Variants in HERC4 observed in about 807,000 individuals in gnomAD.
The protein encoded by HERC4 is HECT and RLD domain containing E3 ubiquitin protein ligase 4.
A neutral mutation model predicts 124.3 loss-of-function variants in HERC4; 28 were observed. That is an observed-to-expected ratio of 0.23 (90% CI 0.17 to 0.31). The LOEUF (loss-of-function observed/expected upper bound fraction) is 0.31, where lower values mean the gene tolerates loss of function less well. Among genes scored for constraint, HERC4 ranks in the 10% least tolerant of loss-of-function variants. The probability of loss-of-function intolerance (pLI) is 1.00; values close to 1 mark genes in which losing one functional copy is unlikely to be tolerated. For missense variants in HERC4, 713 were observed against 1,229.3 expected, an observed-to-expected ratio of 0.58 and a Z score of 6.28; for synonymous variants, 407 against 421.5, an observed-to-expected ratio of 0.97 and a Z score of 0.42.
chr10:68,054,477 C>T (rs1188391662), intron 3 of HERC4, among the ~76,000 whole-genome samples: 1 of 151,618 alleles, frequency 6.6e-6, no homozygotes, highest in Admixed American at 6.6e-5. Context: ...CCTCAGCTAA[C>T]CACGCCCAGC....
At chr10:67,956,694 C>T (rs1421230107) in intron 17 of HERC4, 184 bp downstream of exon 17, 4 of 386,410 alleles carry the variant, frequency 1.0e-5, no homozygotes, top group Non-Finnish European at 1.8e-5. Context: ...TCCATTTTCA[C>T]TGCAACCTTT....
At chr10:67,976,961 CA>C (rs1051313749) in intron 15 of HERC4, among the ~76,000 whole-genome samples, 2 of 152,152 alleles carry the variant, frequency 1.3e-5, no homozygotes, top group Non-Finnish European at 2.9e-5. Flanking sequence ...CAATAAACTT[CA>C]AACATAGTGC....
chr10:68,034,902 C>T (rs1042662315), intron 5 of HERC4, among the ~76,000 whole-genome samples: 8 of 151,670 alleles, frequency 5.3e-5, no homozygotes, highest in African/African-American at 1.5e-4. Flanking sequence ...AAGAAAAATA[C>T]GGCAAATAGA....
Position 67,966,673 on chromosome 10 carries a change from G to C in HERC4, c.1926+10C>G, listed in dbSNP as rs996934553. ...TAAAAATGAAATCACAAATTGCACAGAAAACCTACCATTCCATAGGCCTGC... is the reference window on the plus strand; with the variant it reads ...TAAAAATGAAATCACAAATTGCACACAAAACCTACCATTCCATAGGCCTGC... On this transcript the variant is annotated intron_variant, in intron 16 of 24. Coordinates refer to ENST00000373700, the MANE Select transcript of HERC4 (RefSeq NM_015601.4). 2 of 1,601,322 alleles carry C rather than the reference G, an allele frequency of 1.2e-6. No homozygotes were observed. The highest frequency in any genetic ancestry group is 3.5e-5 in the Admixed American group (2 of 57,102).
intron 8 of HERC4, among the ~76,000 whole-genome samples, chr10:68,020,416 A>G (rs2038538951): frequency 6.6e-6 from 1 of 152,110 alleles, no homozygotes; most frequent in Non-Finnish European, 1.5e-5. Flanking sequence ...AAGACGTGTA[A>G]AAAGAAAAAA....
intron 9 of HERC4, among the ~76,000 whole-genome samples, chr10:68,005,740 A>C (rs180881540): frequency 6.6e-6 from 1 of 151,204 alleles, no homozygotes; most frequent in East Asian, 1.9e-4. Flanking sequence ...GTCTTGCTCT[A>C]CTGCCCACAC....
intron 23 of HERC4, among the ~76,000 whole-genome samples, chr10:67,926,431 AC>A (rs1315136773): frequency 2.6e-5 from 4 of 151,536 alleles, no homozygotes; most frequent in African/African-American, 9.7e-5. Flanking sequence ...AAAAAAAAAA[AC>A]AAAAAAATTA....
chr10:67,998,633 A>G (rs2037046994), intron 9 of HERC4, among the ~76,000 whole-genome samples: 1 of 151,248 alleles, frequency 6.6e-6, no homozygotes, highest in Admixed American at 6.6e-5. Flanking sequence ...GCACAACCTT[A>G]CTGCTCTAAT....
intron 4 of HERC4, among the ~76,000 whole-genome samples, chr10:68,042,673 T>C (rs189270858): frequency 5.9e-5 from 9 of 152,288 alleles, no homozygotes; most frequent in Admixed American, 3.3e-4. Context: ...GAAATCTGTT[T>C]ATAGATACTA....
intron 9 of HERC4, among the ~76,000 whole-genome samples, chr10:68,002,244 C>T (rs2037275168): frequency 6.6e-6 from 1 of 152,006 alleles, no homozygotes; most frequent in Non-Finnish European, 1.5e-5. Context: ...TTCATAGTAT[C>T]CTCGTCACTG....
intron 9 of HERC4, among the ~76,000 whole-genome samples, chr10:68,009,725 G>A (rs535108209): frequency 7.2e-5 from 11 of 152,134 alleles, no homozygotes; most frequent in Non-Finnish European, 1.6e-4. Context: ...GATGCTGCAT[G>A]ATAGCATTTT....
chr10:68,036,667 T>C (rs946320156), intron 5 of HERC4, among the ~76,000 whole-genome samples: 1 of 152,126 alleles, frequency 6.6e-6, no homozygotes. Flanking sequence ...AATATTCAAA[T>C]ACACCACTTT....
At chr10:67,963,489 C>T (rs1043584121) in intron 16 of HERC4, among the ~76,000 whole-genome samples, 4 of 152,060 alleles carry the variant, frequency 2.6e-5, no homozygotes, top group South Asian at 2.1e-4. Flanking sequence ...AGTGCTGGGA[C>T]GTGAGCCTCC....
In HERC4 at chr10:67,927,405, TATATATATATATATATATATATATA is replaced by T. The variant is rs1564910666; in HGVS notation, c.2839-2243_2839-2219del. Among the ~76,000 whole-genome samples the T allele has an allele frequency of 6.6e-3, 72 of 10,978 alleles. 2 individuals carry two copies. The highest frequency in any genetic ancestry group is 0.021 in the Middle Eastern group (1 of 48). The allele number at this position is 10,978 out of a possible 152,430, so 7.2% of individuals were successfully genotyped here. ...ATATATATATATATATATATATATA[TATATATATATATATATATATATATA>T]TTTTTTTTTTTTTTTAGATAGAGTC... is the stretch of plus-strand genomic sequence containing the variant. On this transcript the variant is annotated intron_variant, in intron 23 of 24. Transcript: ENST00000373700.
chr10:68,062,128 C>T (rs1034469133), intron 3 of HERC4, among the ~76,000 whole-genome samples: 6 of 152,040 alleles, frequency 3.9e-5, no homozygotes, highest in Admixed American at 6.6e-5. Context: ...AAAACAAAAT[C>T]GAAAATAAAC....
At chr10:68,069,692 A>G (rs919989838) in intron 3 of HERC4, 15 of 985,308 alleles carry the variant, frequency 1.5e-5, no homozygotes, top group African/African-American at 1.7e-5. Context: ...CAACCTATGT[A>G]AAGAAACAAT....
intron 3 of HERC4, among the ~76,000 whole-genome samples, chr10:68,048,278 C>T (rs2040116761): frequency 6.6e-6 from 1 of 152,102 alleles, no homozygotes; most frequent in Non-Finnish European, 1.5e-5. Flanking sequence ...GCATCCAAGA[C>T]GTCCTTCAGT....
intron 7 of HERC4, among the ~76,000 whole-genome samples, chr10:68,026,636 G>A (rs1427632834): frequency 2.6e-5 from 4 of 152,046 alleles, no homozygotes; most frequent in African/African-American, 9.7e-5. Context: ...GAGGTCAGGA[G>A]ATCGAGACCA....
chr10:68,061,532 CA>C (rs59169970), intron 3 of HERC4, among the ~76,000 whole-genome samples: 486 of 13,940 alleles, frequency 0.035, no homozygotes, highest in African/African-American at 0.11. Context: ...GACTCCGTCT[CA>C]AAAAAAAAAA....
Sources: gnomAD v4.1 joint callset for allele counts (sites outside exome capture counted in the v4.1 genomes callset) on GRCh38, gnomAD v4.1.1 for gene constraint, MANE v1.5 for transcripts, NCBI Gene and HGNC (gene_info 2026-07-23, HGNC 2026-07-21) for gene names.